Variants in FOCAD observed in about 807,000 individuals in gnomAD.
FOCAD encodes the protein KIAA1797.
In FOCAD, 198 loss-of-function variants were observed where a neutral mutation model predicts 225.6. The observed-to-expected ratio is 0.88, with a 90% CI of 0.78 to 0.99. The LOEUF is 0.99. FOCAD is among the 50% of genes least tolerant of loss of function. FOCAD has a pLI of 0.00. For missense variants in FOCAD, 2,713 were observed against 2,123.6 expected, an observed-to-expected ratio of 1.28 and a Z score of -5.46; for synonymous variants, 897 against 755.0, an observed-to-expected ratio of 1.19 and a Z score of -3.08.
chr9:20,966,755 A>G (rs1839294945), intron 35 of FOCAD, among the ~76,000 whole-genome samples: 1 of 152,064 alleles, frequency 6.6e-6, no homozygotes, highest in Non-Finnish European at 1.5e-5. Context: ...TCTCAGCACC[A>G]TTTATTGAAG....
chr9:20,985,645 A>G (rs1479566834), intron 39 of FOCAD, among the ~76,000 whole-genome samples: 1 of 152,178 alleles, frequency 6.6e-6, no homozygotes, highest in Non-Finnish European at 1.5e-5. Flanking sequence ...GCTTGAGACC[A>G]CCATCATACC....
At position 20,946,086 on chromosome 9, in the gene FOCAD, TTCATTC is replaced by T. The variant is rs1564188971; in HGVS notation, c.3556-614_3556-609del. On this transcript the variant is annotated intron_variant, in intron 29 of 43. Coordinates refer to ENST00000338382, the MANE Select transcript of FOCAD (RefSeq NM_001375567.1). ...TTTTTACCCATATTTTATTTATTCA[TTCATTC>T]ATTCATTCATTCATTCATTCATTCA... Among the ~76,000 whole-genome samples the T allele has an allele frequency of 2.9e-3, 251 of 87,426 alleles. 1 individual carries two copies. The highest frequency in any genetic ancestry group is 6.8e-3 in the South Asian group (24 of 3,514). The allele number at this position is 87,426 out of a possible 152,430, so 57.4% of individuals were successfully genotyped here. A position where few individuals can be genotyped will look rare whatever the true frequency, so the allele number is the denominator to read the frequency against.
In FOCAD at chr9:20,873,457, T is replaced by C. The variant is rs565027695; in HGVS notation, c.2191-1224T>C. The stretch of plus-strand genomic sequence containing the variant: ...CGAACATGCCAGAGTTTCTCTGATA[T>C]GCAGTGATTTCGACAGACGCTTTCA... On this transcript the variant is annotated intron_variant, in intron 18 of 43. Transcript: ENST00000338382. Among the ~76,000 whole-genome samples the C allele has an allele frequency of 2.6e-5, 4 of 152,332 alleles. No homozygotes were observed. In the East Asian group the frequency reaches 7.7e-4, roughly 29 times the overall value.
At chr9:20,759,677 T>C (rs1563955240) in intron 6 of FOCAD, among the ~76,000 whole-genome samples, 1 of 152,052 alleles carries the variant, frequency 6.6e-6, no homozygotes, top group African/African-American at 2.4e-5. Flanking sequence ...CAGGTTGTAG[T>C]TTTCTATTTT....
chr9:20,927,038 A>G (rs1179582409), intron 26 of FOCAD, among the ~76,000 whole-genome samples: 1 of 151,232 alleles, frequency 6.6e-6, no homozygotes, highest in Admixed American at 6.6e-5. Context: ...ATATATATAT[A>G]AAAGAAATAC....
intron 1 of FOCAD, among the ~76,000 whole-genome samples, chr9:20,708,676 GA>G (rs1166854287): frequency 6.6e-6 from 1 of 152,136 alleles, no homozygotes; most frequent in Admixed American, 6.5e-5. Context: ...TTGGAAGGCT[GA>G]GGATGGGCGG....
intron 19 of FOCAD, among the ~76,000 whole-genome samples, chr9:20,879,228 G>GTAAT (rs1309249533): frequency 6.6e-6 from 1 of 152,120 alleles, no homozygotes; most frequent in Admixed American, 6.6e-5. Context: ...CAGTAACAAG[G>GTAAT]TAATAGTTCT....
chr9:20,752,273 A>G (rs1350222544), intron 5 of FOCAD, among the ~76,000 whole-genome samples: 1 of 151,490 alleles, frequency 6.6e-6, no homozygotes. Flanking sequence ...GTTTTCTTCT[A>G]GGGTTTTTAT....
At chr9:20,758,543 T>C (rs201003915) in intron 6 of FOCAD, among the ~76,000 whole-genome samples, 1 of 116,354 alleles carries the variant, frequency 8.6e-6, no homozygotes, top group Non-Finnish European at 1.7e-5. Flanking sequence ...AGTCCCCAGA[T>C]TGTGATGTTC....
intron 2 of FOCAD, among the ~76,000 whole-genome samples, chr9:20,666,766 T>C (rs1821909818): frequency 6.6e-6 from 1 of 152,186 alleles, no homozygotes; most frequent in Admixed American, 6.5e-5. Context: ...GCAACAATAC[T>C]GATGTTGGAG....
intron 10 of FOCAD, among the ~76,000 whole-genome samples, chr9:20,786,374 G>T (rs956621888): frequency 1.3e-5 from 2 of 152,194 alleles, no homozygotes; most frequent in African/African-American, 4.8e-5. Context: ...GACTGAGCAT[G>T]TTGTGTGTTA....
intron 21 of FOCAD, among the ~76,000 whole-genome samples, chr9:20,888,122 C>CT (rs796233520): frequency 1.3e-3 from 110 of 82,436 alleles, no homozygotes; most frequent in African/African-American, 2.0e-3. Flanking sequence ...TTTTCATTTT[C>CT]TTTTTTTTTT....
intron 40 of FOCAD, among the ~76,000 whole-genome samples, 198 bp downstream of exon 40, chr9:20,986,663 A>G (rs757796589): frequency 2.0e-5 from 3 of 152,142 alleles, no homozygotes; most frequent in Non-Finnish European, 2.9e-5. Context: ...GGAAATGAGG[A>G]TGGATTCTTT....
At chr9:20,712,447 G>T (rs1162173303) in intron 1 of FOCAD, among the ~76,000 whole-genome samples, 2 of 152,090 alleles carry the variant, frequency 1.3e-5, no homozygotes, top group African/African-American at 2.4e-5. Flanking sequence ...ATCACTTGAG[G>T]TCAGGAGTTC....
At chr9:20,756,330 A>G (rs1829047282) in intron 5 of FOCAD, among the ~76,000 whole-genome samples, 2 of 152,198 alleles carry the variant, frequency 1.3e-5, no homozygotes, top group Admixed American at 6.5e-5. Context: ...TATACCCACA[A>G]ACTGTGTGGT....
chr9:20,907,179 T>C lies in FOCAD; in HGVS notation c.2655T>C (p.Arg885=). 1 of 1,613,248 alleles carries C rather than the reference T, an allele frequency of 6.2e-7. No individual in the cohort carries two copies. The part of the protein sequence containing the change: ...EVHIQLSEWH[R]AIFLPQAWLA... ...ATATCCAGCTTTCAGAGTGGCACCGTGCAATTTTTCTTCCACAGGCCTGGC... is the reference window on the plus strand; with the variant it reads ...ATATCCAGCTTTCAGAGTGGCACCGCGCAATTTTTCTTCCACAGGCCTGGC... The change falls in exon 22 of 44, where the codon CGT becomes CGC. Residue 885 remains arginine, a synonymous_variant. Coordinates refer to ENST00000338382, the MANE Select transcript of FOCAD (RefSeq NM_001375567.1).
At chr9:20,750,094 T>A (rs1828411676) in intron 5 of FOCAD, among the ~76,000 whole-genome samples, 1 of 152,192 alleles carries the variant, frequency 6.6e-6, no homozygotes, top group Admixed American at 6.6e-5. Context: ...TCTGCTTTTT[T>A]CTTCTCTGAA....
Position 20,917,027 on chromosome 9 carries a change from A to T in FOCAD, c.2852+90A>T, listed in dbSNP as rs1833931992. On this transcript the variant is annotated intron_variant, in intron 24 of 43. Transcript: ENST00000338382. ...ATTTTCTCCTTTTAGGGCATTTCAT[A>T]ATTTTAAGGATTTTAGAGTACTTTT... 48 of 1,008,882 alleles carry T rather than the reference A, an allele frequency of 4.8e-5. 1 individual carries two copies. In the South Asian group the frequency reaches 7.3e-4, roughly 15 times the overall value. 62.5% of individuals were successfully genotyped at this position (1,008,882 alleles called of 1,614,324 possible). A position where few individuals can be genotyped will look rare whatever the true frequency, so the allele number is the denominator to read the frequency against.
At position 20,985,777 on chromosome 9, in the gene FOCAD, A is replaced by G. The variant is rs1177657981; in HGVS notation, c.4729-511A>G. Among the ~76,000 whole-genome samples the G allele has an allele frequency of 2.6e-5, 4 of 152,268 alleles. No individual in the cohort carries two copies. The South Asian group carries it at 6.2e-4, about 24-fold the overall frequency. ...AATAATTTTTATTGTTTACAAGGAT[A>G]TTTTAAGTGAAATTGGCTTGTGAAA... On this transcript the variant is annotated intron_variant, in intron 39 of 43. Coordinates refer to ENST00000338382, the MANE Select transcript of FOCAD (RefSeq NM_001375567.1).
Sources: gnomAD v4.1 joint callset for allele counts (sites outside exome capture counted in the v4.1 genomes callset) on GRCh38, gnomAD v4.1.1 for gene constraint, MANE v1.5 for transcripts, NCBI Gene and HGNC (gene_info 2026-07-23, HGNC 2026-07-21) for gene names.